OSBPL9: variants seen among roughly 807,000 people sequenced by gnomAD.
OSBPL9 encodes the protein oxysterol-binding protein-related protein 9.
A neutral mutation model predicts 106.6 loss-of-function variants in OSBPL9; 40 were observed. The observed-to-expected ratio is 0.38, with a 90% CI of 0.29 to 0.49. OSBPL9 has a LOEUF of 0.49. OSBPL9 is among the 20% of genes least tolerant of loss of function. OSBPL9 has a pLI of 0.97. For synonymous variants in OSBPL9, 269 were observed against 295.4 expected, an observed-to-expected ratio of 0.91 and a Z score of 0.92; for missense variants, 609 against 887.2, an observed-to-expected ratio of 0.69 and a Z score of 3.98.
At chr1:51,744,310 G>T (rs541986245) in intron 4 of OSBPL9, among the ~76,000 whole-genome samples, 1 of 152,122 alleles carries the variant, frequency 6.6e-6, no homozygotes, top group Non-Finnish European at 1.5e-5. Flanking sequence ...GGAGGAGGAT[G>T]CCCGTATTTG....
intron 3 of OSBPL9, among the ~76,000 whole-genome samples, chr1:51,708,883 CT>C (rs1659198793): frequency 6.6e-6 from 1 of 152,270 alleles, no homozygotes; most frequent in Admixed American, 6.5e-5. Context: ...ATGTAAGAAA[CT>C]TAAAACTTTT....
chr1:51,587,703 T>C (rs1393339781), intron 1 of OSBPL9, among the ~76,000 whole-genome samples: 1 of 152,158 alleles, frequency 6.6e-6, no homozygotes, highest in Non-Finnish European at 1.5e-5. Context: ...ACCCCCACCT[T>C]GTGTCATCCA....
the OSBPL9 span, among the ~76,000 whole-genome samples, chr1:51,568,866 C>A: frequency 2.0e-5 from 3 of 152,184 alleles, no homozygotes; most frequent in Admixed American, 2.0e-4. Flanking sequence ...GTGCTAGCCA[C>A]CATGCCTGGC....
rs150685549 is a variant in OSBPL9 at position 51,673,969 on chromosome 1, G to A, written c.241+4457G>A. Among the ~76,000 whole-genome samples the A allele has an allele frequency of 8.7e-4, 132 of 151,464 alleles. 1 individual carries two copies. Among genetic ancestry groups the A allele is most frequent in the South Asian group, 4.8e-3 (23 of 4,788 alleles). ...AGAGAATTTGGGTACTAAGGGTGAT[G>A]CTCTTGGCTTGGCTTACTGTTGGAT... On this transcript the variant is annotated intron_variant, in intron 3 of 23. Transcript: ENST00000428468.
the OSBPL9 span, among the ~76,000 whole-genome samples, chr1:51,532,616 C>CA: frequency 4.6e-5 from 7 of 152,198 alleles, no homozygotes; most frequent in African/African-American, 1.7e-4. Context: ...GTCCAGTTGA[C>CA]ACAGTTGTGG....
intron 8 of OSBPL9, among the ~76,000 whole-genome samples, chr1:51,755,805 A>G (rs1443228815): frequency 6.6e-6 from 1 of 152,236 alleles, no homozygotes; most frequent in Non-Finnish European, 1.5e-5. Context: ...GGTAAACTCC[A>G]TTGTAAGTTG....
chr1:51,700,412 C>T (rs921972925), intron 3 of OSBPL9, among the ~76,000 whole-genome samples: 1 of 152,180 alleles, frequency 6.6e-6, no homozygotes, highest in Non-Finnish European at 1.5e-5. Flanking sequence ...CTCTAATGCT[C>T]CTTTTCTGTT....
intron 8 of OSBPL9, chr1:51,752,763 G>A: frequency 1.4e-5 from 4 of 285,056 alleles, no homozygotes; most frequent in South Asian, 1.3e-4. Context: ...GCACGTGTGA[G>A]ATAGCAAGCT....
At chr1:51,534,853 G>C in the OSBPL9 span, among the ~76,000 whole-genome samples, 8 of 152,214 alleles carry the variant, frequency 5.3e-5, no homozygotes, top group Non-Finnish European at 1.2e-4. Context: ...CCAGGGTCCT[G>C]CCTATAAAAC....
chr1:51,750,178 TTGC>T lies in OSBPL9; in HGVS notation c.530_532del (p.Leu177del). On this transcript the variant is annotated inframe_deletion, in exon 8 of 24. Coordinates refer to ENST00000428468, the MANE Select transcript of OSBPL9 (RefSeq NM_024586.6). ...AGAATCAATTAAACACTGCATTGTG[TTGC>T]TGCAGATTGCCAAAGTAAGTAAATT... 1 of 1,606,804 alleles carries T rather than the reference TTGC, an allele frequency of 6.2e-7. No individual in the cohort carries two copies. Among genetic ancestry groups the T allele is most frequent in the Non-Finnish European group, 8.5e-7 (1 of 1,176,806 alleles).
chr1:51,671,250 C>T (rs1018877563), intron 3 of OSBPL9, among the ~76,000 whole-genome samples: 7 of 152,014 alleles, frequency 4.6e-5, no homozygotes, highest in Non-Finnish European at 1.0e-4. Flanking sequence ...AGCTATTTCA[C>T]ATTCATAGGT....
intron 3 of OSBPL9, among the ~76,000 whole-genome samples, chr1:51,684,452 C>T (rs553040802): frequency 6.6e-6 from 1 of 152,124 alleles, no homozygotes; most frequent in Non-Finnish European, 1.5e-5. Flanking sequence ...AGCCATTCCA[C>T]AATGTACATA....
chr1:51,634,926 T>G (rs1444341280), intron 1 of OSBPL9, among the ~76,000 whole-genome samples: 1 of 152,154 alleles, frequency 6.6e-6, no homozygotes, highest in African/African-American at 2.4e-5. Flanking sequence ...CATGAGACTT[T>G]TTCACTACCA....
the OSBPL9 span, among the ~76,000 whole-genome samples, chr1:51,538,110 G>A: frequency 6.6e-6 from 1 of 152,030 alleles, no homozygotes; most frequent in South Asian, 2.1e-4. Flanking sequence ...GGCCAACATG[G>A]CGAAACCCCA....
rs869092922 is a variant in OSBPL9, at chr1:51,767,936, C to CTTTTTTTTT, written c.938+1974_938+1982dup. 6.6e-4 allele frequency among the ~76,000 whole-genome samples: 43 copies of CTTTTTTTTT among 65,052 alleles called. 4 individuals are homozygous for CTTTTTTTTT. Among genetic ancestry groups the CTTTTTTTTT allele is most frequent in the African/African-American group, 2.4e-3 (40 of 16,730 alleles). 42.7% of individuals were successfully genotyped at this position (65,052 alleles called of 152,430 possible). ...TATTTAAAAGAGAATTAAAGACCGTCTTTTTTTTTTTTTTTTTTTTTTTTT... is the reference window on the plus strand; with the variant it reads ...TATTTAAAAGAGAATTAAAGACCGTCTTTTTTTTTTTTTTTTTTTTTTTTTTTTTTTTTT... On this transcript the variant is annotated intron_variant, in intron 12 of 23. Coordinates refer to ENST00000428468, the MANE Select transcript of OSBPL9 (RefSeq NM_024586.6).
chr1:51,519,059 C>T, the OSBPL9 span: 3 of 498,560 alleles, frequency 6.0e-6, no homozygotes, highest in Non-Finnish European at 9.9e-6. Context: ...CACCCGCTTT[C>T]CCTCACACAC....
intron 4 of OSBPL9, chr1:51,724,907 G>A (rs577720665): frequency 1.6e-5 from 3 of 192,502 alleles, no homozygotes; most frequent in East Asian, 2.6e-4. Context: ...AGGAAAGGGT[G>A]TCTATGCCAT....
the OSBPL9 span, among the ~76,000 whole-genome samples, chr1:51,533,751 G>A: frequency 2.6e-5 from 4 of 151,968 alleles, no homozygotes; most frequent in Non-Finnish European, 5.9e-5. Context: ...GGCAGGACAT[G>A]AGACTAGAAA....
At chr1:51,682,768 A>G (rs528858776) in intron 3 of OSBPL9, among the ~76,000 whole-genome samples, 1 of 152,224 alleles carries the variant, frequency 6.6e-6, no homozygotes, top group Non-Finnish European at 1.5e-5. Flanking sequence ...AAAAAAGAAA[A>G]AGAAAAGAAA....
Sources: gnomAD v4.1 joint callset for allele counts (sites outside exome capture counted in the v4.1 genomes callset) on GRCh38, gnomAD v4.1.1 for gene constraint, MANE v1.5 for transcripts, NCBI Gene and HGNC (gene_info 2026-07-23, HGNC 2026-07-21) for gene names.